The following THSD4 variants were observed in gnomAD, a reference collection of about 807,000 sequenced individuals.
THSD4 encodes the protein thrombospondin type-1 domain-containing protein 4.
In THSD4, 69 loss-of-function variants were observed where a neutral mutation model predicts 119.0. The observed-to-expected ratio is 0.58, with a 90% CI of 0.48 to 0.71. The LOEUF (loss-of-function observed/expected upper bound fraction) is 0.71. Among genes scored for constraint, THSD4 ranks in the 30% least tolerant of loss-of-function variants. The pLI is 0.00. For synonymous variants in THSD4, 524 were observed against 540.4 expected (o/e 0.97, Z 0.42); for missense variants, 1,393 against 1,391.1 (o/e 1.00, Z -0.02).
chr15:71,657,490 G>A (rs1447675245), intron 7 of THSD4, among the ~76,000 whole-genome samples: 3 of 152,314 alleles, frequency 2.0e-5, no homozygotes, highest in South Asian at 4.1e-4. Context: ...TCTTGAATAT[G>A]TGTTGTCTGC....
intron 7 of THSD4, among the ~76,000 whole-genome samples, chr15:71,651,220 C>A (rs1323618443): frequency 6.6e-6 from 1 of 152,200 alleles, no homozygotes; most frequent in Non-Finnish European, 1.5e-5. Context: ...CATCTTCAGT[C>A]CAGTTGGCCA....
intron 3 of THSD4, among the ~76,000 whole-genome samples, chr15:71,199,792 T>TAGTGTGTGTGG: frequency 7.3e-6 from 1 of 137,616 alleles, no homozygotes; most frequent in African/African-American, 2.9e-5. Context: ...GGGTGTGTGC[T>TAGTGTGTGTGG]GTGTGTGTGC....
intron 6 of THSD4, among the ~76,000 whole-genome samples, chr15:71,349,791 TA>T (rs2045719839): frequency 6.6e-6 from 1 of 152,066 alleles, no homozygotes; most frequent in African/African-American, 2.4e-5. Context: ...TGGGATGGGA[TA>T]GGGGTCCTTA....
At chr15:71,604,264 C>G (rs1420544058) in intron 7 of THSD4, among the ~76,000 whole-genome samples, 1 of 152,170 alleles carries the variant, frequency 6.6e-6, no homozygotes, top group African/African-American at 2.4e-5. Context: ...TTTAGGAAGG[C>G]AAGGTCTGAT....
intron 4 of THSD4, among the ~76,000 whole-genome samples, chr15:71,218,178 G>C (rs1313485619): frequency 1.3e-5 from 2 of 152,172 alleles, no homozygotes; most frequent in Non-Finnish European, 2.9e-5. Flanking sequence ...TGAAACCCAG[G>C]CCATCGTGGC....
intron 7 of THSD4, among the ~76,000 whole-genome samples, chr15:71,598,136 TGGG>T (rs1384389117): frequency 6.6e-6 from 1 of 151,822 alleles, no homozygotes; most frequent in Non-Finnish European, 1.5e-5. Flanking sequence ...GGCAGAGCCC[TGGG>T]GGTTAGGAAA....
chr15:71,782,475 T>C lies in THSD4; in HGVS notation c.*5101T>C, dbSNP rs2140272851. 6.6e-6 allele frequency: 1 copy of C among 152,366 alleles called. No individual in the cohort carries two copies. The highest frequency in any genetic ancestry group is 3.4e-3 in the Middle Eastern group (1 of 294). 9.4% of individuals were successfully genotyped at this position (152,366 alleles called of 1,614,324 possible). On this transcript the variant is annotated 3_prime_UTR_variant, in exon 18 of 18. Transcript: ENST00000261862. Reference sequence around the variant, plus strand: ...CAAGATGTTTATAGGAAATATGTATTCTGAACTCTATCTGCAGAATGAGTC... The same window carrying C: ...CAAGATGTTTATAGGAAATATGTATCCTGAACTCTATCTGCAGAATGAGTC...
intron 6 of THSD4, among the ~76,000 whole-genome samples, chr15:71,350,918 A>ACCTTT (rs1211007124): frequency 2.0e-5 from 3 of 152,120 alleles, no homozygotes; most frequent in Non-Finnish European, 4.4e-5. Flanking sequence ...CTGTTTTATT[A>ACCTTT]CCTTTAAGCT....
At chr15:71,555,603 T>G (rs955125219) in intron 7 of THSD4, among the ~76,000 whole-genome samples, 36 of 152,226 alleles carry the variant, frequency 2.4e-4, no homozygotes, top group Admixed American at 1.3e-4. Context: ...ACTTGTAAAG[T>G]GTCTTTAGCT....
intron 7 of THSD4, among the ~76,000 whole-genome samples, chr15:71,582,974 G>GT (rs1215132002): frequency 6.6e-6 from 1 of 152,054 alleles, no homozygotes; most frequent in Admixed American, 6.6e-5. Context: ...CTCCCTTTCA[G>GT]TTTTTTTGAA....
chr15:71,117,641 C>A (rs1299169261), intron 1 of THSD4, among the ~76,000 whole-genome samples: 8 of 152,216 alleles, frequency 5.3e-5, no homozygotes, highest in African/African-American at 1.9e-4. Context: ...ATAATCTCCC[C>A]TCTTGACTCC....
At chr15:71,118,723 G>C (rs1421626213) in intron 1 of THSD4, among the ~76,000 whole-genome samples, 1 of 152,162 alleles carries the variant, frequency 6.6e-6, no homozygotes, top group Admixed American at 6.5e-5. Flanking sequence ...AGATATAAAG[G>C]TTTCATGTGT....
chr15:71,201,883 G>A (rs1567155860), intron 3 of THSD4, among the ~76,000 whole-genome samples: 1 of 152,182 alleles, frequency 6.6e-6, no homozygotes, highest in Non-Finnish European at 1.5e-5. Context: ...GGTAGCACAG[G>A]CACTGCTGCA....
chr15:71,154,011 A>G (rs1271136135), intron 2 of THSD4, among the ~76,000 whole-genome samples: 1 of 152,186 alleles, frequency 6.6e-6, no homozygotes, highest in African/African-American at 2.4e-5. Flanking sequence ...GAGGAGCTGC[A>G]TTCCAGGTTT....
intron 6 of THSD4, among the ~76,000 whole-genome samples, chr15:71,313,086 GT>G (rs1442385008): frequency 1.3e-5 from 2 of 152,052 alleles, no homozygotes; most frequent in Non-Finnish European, 2.9e-5. Flanking sequence ...TAAAATTAAG[GT>G]TTTTTTCCTA....
intron 7 of THSD4, among the ~76,000 whole-genome samples, chr15:71,544,016 G>A (rs1043453683): frequency 6.6e-6 from 1 of 152,046 alleles, no homozygotes; most frequent in African/African-American, 2.4e-5. Context: ...CAACAAGAAT[G>A]AAACTCCATC....
chr15:71,637,493 G>T (rs976945719), intron 7 of THSD4, among the ~76,000 whole-genome samples: 5 of 152,116 alleles, frequency 3.3e-5, no homozygotes, highest in African/African-American at 7.2e-5. Context: ...GAACTGAGAA[G>T]ACCCCACGTG....
At position 71,361,616 on chromosome 15, in the gene THSD4, C is replaced by CT. The variant is rs1280388321; in HGVS notation, c.1016-50063dup. 3.3e-5 allele frequency among the ~76,000 whole-genome samples: 5 copies of CT among 152,136 alleles called. No homozygotes were observed. In the East Asian group the frequency reaches 5.8e-4, roughly 18 times the overall value. ...AATAACCATCAAAATTATAAATGCA[C>CT]TTTTTTTTGACCTAGCAATTCTACC... On this transcript the variant is annotated intron_variant, in intron 6 of 17. Coordinates refer to ENST00000261862, the MANE Select transcript of THSD4 (RefSeq NM_024817.3).
chr15:71,782,257 G>A lies in THSD4; in HGVS notation c.*4883G>A, dbSNP rs910073805. The A allele has an allele frequency of 1.3e-5, 2 of 151,940 alleles. No homozygotes were observed. The highest frequency in any genetic ancestry group is 2.9e-5 in the Non-Finnish European group (2 of 67,966). 9.4% of individuals were successfully genotyped at this position (151,940 alleles called of 1,614,324 possible). A position where few individuals can be genotyped will look rare whatever the true frequency, so the allele number is the denominator to read the frequency against. On this transcript the variant is annotated 3_prime_UTR_variant, in exon 18 of 18. Transcript: ENST00000261862. ...TTTCAGCAGATAATGATGGAGGGGG[G>A]GGGTGTCCATCGTGCTGAGGGTGTG... is the stretch of plus-strand genomic sequence containing the variant.
Sources: allele counts gnomAD v4.1 joint callset (sites outside exome capture counted in the v4.1 genomes callset), GRCh38; gene constraint gnomAD v4.1.1; transcripts MANE v1.5; gene names NCBI Gene and HGNC (gene_info 2026-07-23, HGNC 2026-07-21).